The following XPR1 variants were observed in gnomAD, a reference collection of about 807,000 sequenced individuals.
XPR1 encodes solute carrier family 53 member 1.
A neutral mutation model predicts 87.5 loss-of-function variants in XPR1; 28 were observed. The ratio of observed to expected loss-of-function variants is 0.32; its 90% CI spans 0.24 to 0.44. The LOEUF (loss-of-function observed/expected upper bound fraction) is 0.44, where lower values mean the gene tolerates loss of function less well. Among genes scored for constraint, XPR1 ranks in the 20% least tolerant of loss-of-function variants. The probability of loss-of-function intolerance (pLI) is 1.00; values close to 1 mark genes in which losing one functional copy is unlikely to be tolerated. For synonymous variants in XPR1, 300 were observed against 306.1 expected (o/e 0.98, Z 0.21); for missense variants, 559 against 862.3 (o/e 0.65, Z 4.41).
intron 2 of XPR1, among the ~76,000 whole-genome samples, chr1:180,691,186 A>G (rs1010115010): frequency 6.6e-6 from 1 of 152,088 alleles, no homozygotes; most frequent in Non-Finnish European, 1.5e-5. Context: ...TTTATGAAGT[A>G]TTGAGAGACT....
intron 4 of XPR1, among the ~76,000 whole-genome samples, chr1:180,805,277 G>A (rs1050279449): frequency 6.6e-6 from 1 of 152,092 alleles, no homozygotes; most frequent in Non-Finnish European, 1.5e-5. Flanking sequence ...TTACTGTTGG[G>A]GACATGTAAT....
intron 9 of XPR1, among the ~76,000 whole-genome samples, chr1:180,827,397 A>T (rs1017324874): frequency 1.3e-5 from 2 of 152,184 alleles, no homozygotes; most frequent in African/African-American, 4.8e-5. Context: ...TTGTGTGCTA[A>T]GTGGGCATTT....
intron 7 of XPR1, among the ~76,000 whole-genome samples, chr1:180,821,544 C>T (rs1455600432): frequency 3.3e-5 from 5 of 152,046 alleles, no homozygotes; most frequent in Admixed American, 2.0e-4. Flanking sequence ...TCTTGGAATT[C>T]CATATGAATT....
intron 1 of XPR1, among the ~76,000 whole-genome samples, chr1:180,676,436 CAATTT>C (rs1179975277): frequency 2.0e-5 from 3 of 152,134 alleles, no homozygotes; most frequent in Non-Finnish European, 4.4e-5. Flanking sequence ...CTGGCTGGAC[CAATTT>C]TTCCTTTCTC....
chr1:180,768,058 A>G (rs1648360108), intron 2 of XPR1, among the ~76,000 whole-genome samples: 1 of 152,042 alleles, frequency 6.6e-6, no homozygotes, highest in Non-Finnish European at 1.5e-5. Context: ...GTTAGCCAGG[A>G]TGGTCTCAAT....
chr1:180,658,462 T>C (rs193119704), intron 1 of XPR1, among the ~76,000 whole-genome samples: 2 of 152,356 alleles, frequency 1.3e-5, no homozygotes, highest in East Asian at 1.9e-4. Flanking sequence ...GGTATGCTTC[T>C]TCTATACCGA....
intron 2 of XPR1, among the ~76,000 whole-genome samples, chr1:180,711,130 C>CG (rs534839730): frequency 0.05 from 6,185 of 123,278 alleles, 392 homozygotes; most frequent in African/African-American, 0.16. Flanking sequence ...ACATCCCAGA[C>CG]GGGGCGGCGG....
At chr1:180,863,622 G>T (rs889028418) in intron 11 of XPR1, 86 bp from the exon 12 acceptor site, 5 of 1,216,278 alleles carry the variant, frequency 4.1e-6, no homozygotes, top group Non-Finnish European at 5.6e-6. Context: ...GCTATTTTAA[G>T]AATCTGTTTT....
intron 7 of XPR1, among the ~76,000 whole-genome samples, chr1:180,823,112 G>A (rs919601405): frequency 2.6e-4 from 39 of 151,938 alleles, no homozygotes; most frequent in South Asian, 4.2e-4. Flanking sequence ...GTGGCGTCAC[G>A]CATCTGTAAT....
In XPR1 at chr1:180,888,605, C is replaced by A. The variant is rs1347665586; in HGVS notation, c.*4539C>A. 6.6e-6 allele frequency: 1 copy of A among 152,010 alleles called. No individual in the cohort carries two copies. The highest frequency in any genetic ancestry group is 1.9e-4 in the East Asian group (1 of 5,162). The allele number at this position is 152,010 out of a possible 1,614,324, so 9.4% of individuals were successfully genotyped here. On this transcript the variant is annotated 3_prime_UTR_variant, in exon 15 of 15. Coordinates refer to ENST00000367590, the MANE Select transcript of XPR1 (RefSeq NM_004736.4). ...AAAGTTAGGTAAAGAAGAATAAATC[C>A]AATTTATCAGCTTTGTTCATATTCT...
rs12041228 is a variant in XPR1 at position 180,724,313 on chromosome 1, C to T, written c.121+41902C>T. Among the ~76,000 whole-genome samples, 127 of 151,814 alleles carry T rather than the reference C, an allele frequency of 8.4e-4. No homozygotes were observed. In the East Asian group the frequency reaches 0.016, roughly 19 times the overall value. On this transcript the variant is annotated intron_variant, in intron 2 of 14. Transcript: ENST00000367590. ...GCACAGTAAGCACAGTGCCTTGGGC[C>T]GATGCTATTTATAGCAGCCCATAAA...
Position 180,806,553 on chromosome 1 carries a change from C to T in XPR1, c.677C>T (p.Ala226Val). 6.2e-7 allele frequency: 1 copy of T among 1,610,778 alleles called. No individual in the cohort carries two copies. Among genetic ancestry groups the T allele is most frequent in the Non-Finnish European group, 8.5e-7 (1 of 1,177,822 alleles). Residue 226 changes from alanine to valine, a missense_variant, in exon 6 of 15, where the codon GCT becomes GTT. Physicochemically the swap from Ala to Val is moderately conservative, Grantham distance 64 (BLOSUM62 0). Coordinates refer to ENST00000367590, the MANE Select transcript of XPR1 (RefSeq NM_004736.4). ...KRLRVPPLGA[A>V]QPAPAWTTFR... ...TTACGTGTCCCCCCTTTGGGAGCTG[C>T]TCAGGTTAGTATTTGGTTCCAGTAG...
At position 180,682,522 on chromosome 1, in the gene XPR1, C is replaced by CT; in HGVS notation, c.121+118dup. On this transcript the variant is annotated intron_variant, in intron 2 of 14. Coordinates refer to ENST00000367590, the MANE Select transcript of XPR1 (RefSeq NM_004736.4). ...TGATAACCTGTCCTATTATATAGGT[C>CT]TTTTTTTCCCTTTTAATAATATATA... The CT allele has an allele frequency of 1.2e-5, 6 of 511,838 alleles. No homozygotes were observed. In the Admixed American group the frequency reaches 1.5e-4, roughly 13 times the overall value. The allele number at this position is 511,838 out of a possible 1,614,324, so 31.7% of individuals were successfully genotyped here.
chr1:180,756,316 A>C (rs1557991737), intron 2 of XPR1, among the ~76,000 whole-genome samples: 2 of 152,228 alleles, frequency 1.3e-5, no homozygotes, highest in Non-Finnish European at 2.9e-5. Context: ...TCTAAGTTTT[A>C]AAATTATAGC....
At chr1:180,812,550 T>C (rs888693989) in intron 7 of XPR1, among the ~76,000 whole-genome samples, 1 of 152,176 alleles carries the variant, frequency 6.6e-6, no homozygotes, top group Non-Finnish European at 1.5e-5. Flanking sequence ...TAATCTTCAG[T>C]CCATCAGCAA....
intron 1 of XPR1, among the ~76,000 whole-genome samples, chr1:180,659,106 C>CCCTT (rs1260146439): frequency 1.8e-5 from 2 of 108,296 alleles, no homozygotes; most frequent in Non-Finnish European, 3.6e-5. Flanking sequence ...CTCCCTCCCT[C>CCCTT]CCTTCCTCCC....
chr1:180,767,808 G>A (rs1648344487), intron 2 of XPR1, among the ~76,000 whole-genome samples: 1 of 151,784 alleles, frequency 6.6e-6, no homozygotes, highest in African/African-American at 2.4e-5. Context: ...GAGCACTGAT[G>A]TTTTTATATA....
intron 11 of XPR1, among the ~76,000 whole-genome samples, chr1:180,840,984 C>G (rs1651492284): frequency 1.3e-5 from 2 of 151,816 alleles, no homozygotes; most frequent in East Asian, 1.9e-4. Flanking sequence ...CAATTCTTGC[C>G]CTTAATAATT....
At chr1:180,772,207 G>A (rs1460401861) in intron 2 of XPR1, among the ~76,000 whole-genome samples, 3 of 151,996 alleles carry the variant, frequency 2.0e-5, no homozygotes, top group African/African-American at 2.4e-5. Flanking sequence ...GTCATTGGGA[G>A]CTTCTTCAAG....
Sources: gnomAD v4.1 joint callset for allele counts (sites outside exome capture counted in the v4.1 genomes callset) on GRCh38, gnomAD v4.1.1 for gene constraint, MANE v1.5 for transcripts, NCBI Gene and HGNC (gene_info 2026-07-23, HGNC 2026-07-21) for gene names.